The following BORCS5 variants were observed in gnomAD, a reference collection of about 807,000 sequenced individuals.
BORCS5 encodes BLOC-1 related complex subunit 5.
Under a neutral mutation model 22.1 loss-of-function variants are expected in BORCS5, and 17 were observed. The observed-to-expected ratio is 0.77, with a 90% CI of 0.53 to 1.15. The LOEUF (loss-of-function observed/expected upper bound fraction) is 1.15. Among genes scored for constraint, BORCS5 ranks in the 50% most tolerant of loss-of-function variants. The pLI, the probability that BORCS5 is intolerant of heterozygous loss-of-function variation, is 0.00. For synonymous variants in BORCS5, 117 were observed against 99.8 expected (o/e 1.17, Z -1.03); for missense variants, 247 against 253.2 (o/e 0.98, Z 0.17).
chr12:12,437,465 C>T (rs922016596), intron 3 of BORCS5, among the ~76,000 whole-genome samples: 1 of 152,188 alleles, frequency 6.6e-6, no homozygotes, highest in African/African-American at 2.4e-5. Flanking sequence ...CAATGCCACC[C>T]TCTATTACCC....
intron 2 of BORCS5, among the ~76,000 whole-genome samples, chr12:12,424,161 A>T (rs1377807532): frequency 6.7e-6 from 1 of 149,830 alleles, no homozygotes; most frequent in Admixed American, 6.7e-5. Flanking sequence ...TCCTTTTGGG[A>T]CTCCCACAAT....
chr12:12,397,734 T>C (rs1941383828), intron 2 of BORCS5, among the ~76,000 whole-genome samples: 1 of 152,208 alleles, frequency 6.6e-6, no homozygotes, highest in Non-Finnish European at 1.5e-5. Flanking sequence ...AATAAAATTA[T>C]TGATTTTCCA....
chr12:12,464,508 A>G (rs75983115), intron 3 of BORCS5, among the ~76,000 whole-genome samples: 2 of 152,190 alleles, frequency 1.3e-5, no homozygotes, highest in East Asian at 3.9e-4. Context: ...TGCTCCAGGA[A>G]TAAACCAGAA....
At chr12:12,367,460 A>G (rs77232975) in intron 2 of BORCS5, among the ~76,000 whole-genome samples, 1,531 of 152,284 alleles carry the variant, frequency 0.01, 25 homozygotes, top group African/African-American at 0.035. Flanking sequence ...CCCAAATACC[A>G]TATTGGAAAG....
intron 2 of BORCS5, among the ~76,000 whole-genome samples, chr12:12,385,963 C>T (rs1592073253): frequency 6.7e-6 from 1 of 149,424 alleles, no homozygotes; most frequent in Non-Finnish European, 1.5e-5. Context: ...TTGATCTCCT[C>T]ATTTGGATTT....
chr12:12,459,791 C>CT (rs1422832938), intron 3 of BORCS5, among the ~76,000 whole-genome samples: 1 of 152,104 alleles, frequency 6.6e-6, no homozygotes, highest in African/African-American at 2.4e-5. Flanking sequence ...TGTTGAAAAA[C>CT]TTTTTTCCCC....
intron 2 of BORCS5, among the ~76,000 whole-genome samples, chr12:12,381,826 C>T (rs557809723): frequency 3.3e-5 from 5 of 151,396 alleles, no homozygotes; most frequent in East Asian, 3.9e-4. Flanking sequence ...TTTGTATATT[C>T]TTACTGATTT....
At chr12:12,443,696 T>C (rs927888699) in intron 3 of BORCS5, among the ~76,000 whole-genome samples, 4 of 152,260 alleles carry the variant, frequency 2.6e-5, no homozygotes, top group South Asian at 2.1e-4. Context: ...GTTATTTGAC[T>C]GCTCTGAGAT....
At position 12,374,112 on chromosome 12, in the gene BORCS5, C is replaced by G. The variant is rs1026618660; in HGVS notation, c.202+12763C>G. Among the ~76,000 whole-genome samples the G allele has an allele frequency of 1.2e-4, 18 of 151,010 alleles. No homozygotes were observed. The South Asian group carries it at 3.6e-3, about 30-fold the overall frequency. On this transcript the variant is annotated intron_variant, in intron 2 of 3. Coordinates refer to ENST00000314565, the MANE Select transcript of BORCS5 (RefSeq NM_058169.6). ...ACGCCATTCTCCTGCCTTAGCCTCC[C>G]GAGTAGCTGGGACTACAGGTGCCCG... is the stretch of plus-strand genomic sequence containing the variant.
intron 2 of BORCS5, among the ~76,000 whole-genome samples, chr12:12,429,445 G>A (rs1347461648): frequency 2.6e-5 from 4 of 152,146 alleles, no homozygotes; most frequent in Non-Finnish European, 4.4e-5. Flanking sequence ...CTATGACCCG[G>A]GGCAGGATTT....
At chr12:12,425,169 G>C (rs1942250483) in intron 2 of BORCS5, among the ~76,000 whole-genome samples, 1 of 152,238 alleles carries the variant, frequency 6.6e-6, no homozygotes, top group African/African-American at 2.4e-5. Context: ...GCTGCCTGCA[G>C]TGGGGATGGG....
At chr12:12,404,191 C>T (rs1941543394) in intron 2 of BORCS5, among the ~76,000 whole-genome samples, 1 of 152,096 alleles carries the variant, frequency 6.6e-6, no homozygotes, top group Non-Finnish European at 1.5e-5. Flanking sequence ...CAGAACTTTG[C>T]TTGGGGGAAA....
At chr12:12,429,956 T>A (rs1011975455) in intron 2 of BORCS5, among the ~76,000 whole-genome samples, 1 of 152,022 alleles carries the variant, frequency 6.6e-6, no homozygotes, top group Non-Finnish European at 1.5e-5. Flanking sequence ...TGGGAAGCCT[T>A]TTTCCTCCTA....
chr12:12,370,755 C>CT (rs761521462), intron 2 of BORCS5, among the ~76,000 whole-genome samples: 2,020 of 147,986 alleles, frequency 0.014, 27 homozygotes, highest in Non-Finnish European at 0.018. Context: ...TTCCTGTGTC[C>CT]TTTTTTTTTT....
At chr12:12,371,389 C>T (rs193176729) in intron 2 of BORCS5, among the ~76,000 whole-genome samples, 140 of 152,176 alleles carry the variant, frequency 9.2e-4, no homozygotes, top group South Asian at 2.1e-3. Context: ...ACCTCCTGGG[C>T]TCAAGGAATC....
rs777851051 is a variant in BORCS5 at position 12,465,589 on chromosome 12, G to T, written c.404G>T (p.Arg135Leu). ...VETLFSFMQE[R>L]QKRYAKYAEQ... ...ACTCTGTTCAGCTTCATGCAGGAGC[G>T]CCAGAAAAGATACGCCAAGTATGCC... Residue 135 changes from arginine to leucine, a missense_variant, in exon 4 of 4, where the codon CGC becomes CTC. By Grantham distance (102) the Arg-to-Leu change is moderately radical (BLOSUM62 -2). Coordinates refer to ENST00000314565, the MANE Select transcript of BORCS5 (RefSeq NM_058169.6). 1 of 1,614,240 alleles carries T rather than the reference G, an allele frequency of 6.2e-7. No homozygotes were observed.
intron 2 of BORCS5, among the ~76,000 whole-genome samples, chr12:12,376,928 C>T (rs551188253): frequency 1.3e-5 from 2 of 152,296 alleles, no homozygotes; most frequent in Admixed American, 6.5e-5. Flanking sequence ...CTGCATTTCT[C>T]ATAAAACTAA....
At chr12:12,446,003 C>T (rs867481009) in intron 3 of BORCS5, among the ~76,000 whole-genome samples, 5 of 152,106 alleles carry the variant, frequency 3.3e-5, no homozygotes, top group Non-Finnish European at 7.3e-5. Context: ...AGAGTTCCAT[C>T]TCCCTGCCTG....
chr12:12,438,360 C>CAAAAAAA lies in BORCS5; in HGVS notation c.360+2589_360+2595dup, dbSNP rs57737663. On this transcript the variant is annotated intron_variant, in intron 3 of 3. Transcript: ENST00000314565. ...AGGGCGACAGAGCCAGATTTCATCTCAAAAAAAAAAAAAAAAAAAACGAAA... is the reference window on the plus strand; with the variant it reads ...AGGGCGACAGAGCCAGATTTCATCTCAAAAAAAAAAAAAAAAAAAAAAAAAAACGAAA... Among the ~76,000 whole-genome samples the CAAAAAAA allele has an allele frequency of 1.7e-4, 4 of 23,794 alleles. 1 individual carries two copies. The highest frequency in any genetic ancestry group is 3.5e-4 in the African/African-American group (1 of 2,874). The allele number at this position is 23,794 out of a possible 152,430, so 15.6% of individuals were successfully genotyped here.
Sources: gnomAD v4.1 joint callset for allele counts (sites outside exome capture counted in the v4.1 genomes callset) on GRCh38, gnomAD v4.1.1 for gene constraint, MANE v1.5 for transcripts, NCBI Gene and HGNC (gene_info 2026-07-23, HGNC 2026-07-21) for gene names.